Variants in ACSL4 observed in about 807,000 individuals in gnomAD.
The protein encoded by ACSL4 is long-chain-fatty-acid--CoA ligase 4.
A neutral mutation model predicts 49.1 loss-of-function variants in ACSL4; 9 were observed. The ratio of observed to expected loss-of-function variants is 0.18; its 90% CI spans 0.11 to 0.32. ACSL4 has a LOEUF of 0.32. Ranked by LOEUF, ACSL4 falls within the 10% of genes least tolerant of loss-of-function variation. The probability of loss-of-function intolerance (pLI) is 1.00; values close to 1 mark genes in which losing one functional copy is unlikely to be tolerated. For synonymous variants in ACSL4, 191 were observed against 170.3 expected (o/e 1.12, Z -0.95); for missense variants, 333 against 493.7 (o/e 0.67, Z 3.08).
At chrX:109,644,478 T>A (rs757738752) in intron 15 of ACSL4, among the ~76,000 whole-genome samples, 1 of 111,567 alleles carries the variant, frequency 9.0e-6, no homozygotes, top group African/African-American at 3.3e-5. Flanking sequence ...AAAATATACA[T>A]ACATATACAC....
intron 1 of ACSL4, among the ~76,000 whole-genome samples, chrX:109,732,140 T>G (rs2147575871): frequency 1.8e-5 from 2 of 112,401 alleles, no homozygotes; most frequent in African/African-American, 6.5e-5. Flanking sequence ...ATGAGACCAT[T>G]AACTGATAAA....
At chrX:109,687,016 C>T (rs1406589494) in intron 2 of ACSL4, among the ~76,000 whole-genome samples, 1 of 111,882 alleles carries the variant, frequency 8.9e-6, no homozygotes, top group African/African-American at 3.3e-5. Context: ...TGAAGGGACT[C>T]CTTGGAACTT....
At chrX:109,683,587 T>G in intron 2 of ACSL4, 1 of 644,155 alleles carries the variant, frequency 1.6e-6, no homozygotes, top group Non-Finnish European at 2.5e-6. Context: ...GCAGTAAGAA[T>G]AGCAGTACAG....
At chrX:109,670,751 G>A (rs934974556) in intron 9 of ACSL4, among the ~76,000 whole-genome samples, 6 of 111,414 alleles carry the variant, frequency 5.4e-5, no homozygotes, top group African/African-American at 1.3e-4. Context: ...TCAGCCTGCC[G>A]AGTGCCTGGG....
rs781654441 is a variant in ACSL4, at chrX:109,642,041, C to A, written c.*1988G>T. ...TCCCTTAACAATATTTGGATTTTTG[C>A]AAAGAATTAGCAGCACCCAACCTTA... is the stretch of plus-strand genomic sequence containing the variant. On this transcript the variant is annotated 3_prime_UTR_variant, in exon 16 of 16. Coordinates refer to ENST00000672401, the MANE Select transcript of ACSL4 (RefSeq NM_001318510.2). The A allele has an allele frequency of 9.0e-6, 1 of 111,565 alleles. No homozygotes were observed. Among genetic ancestry groups the A allele is most frequent in the Admixed American group, 9.6e-5 (1 of 10,409 alleles). The allele number at this position is 111,565 out of a possible 1,213,427, so 9.2% of individuals were successfully genotyped here. A position where few individuals can be genotyped will look rare whatever the true frequency, so the allele number is the denominator to read the frequency against.
chrX:109,683,067 C>T, intron 3 of ACSL4, 69 bp downstream of exon 3: 1 of 1,119,870 alleles, frequency 8.9e-7, no homozygotes, highest in Non-Finnish European at 1.2e-6. Context: ...TTAAAACGCA[C>T]TCGATTTATG....
chrX:109,674,298 A>T, intron 9 of ACSL4, 104 bp downstream of exon 9: 1 of 681,630 alleles, frequency 1.5e-6, no homozygotes, highest in Non-Finnish European at 2.3e-6. Context: ...AAATTATTTT[A>T]AAATGTAGAC....
chrX:109,689,457 C>T (rs976833613), intron 2 of ACSL4, among the ~76,000 whole-genome samples: 3 of 112,014 alleles, frequency 2.7e-5, no homozygotes, highest in Admixed American at 9.5e-5. Context: ...AGAATATAAG[C>T]TGAAGTCCTT....
intron 15 of ACSL4, among the ~76,000 whole-genome samples, chrX:109,647,942 T>C (rs1267110336): frequency 2.7e-5 from 3 of 111,641 alleles, no homozygotes; most frequent in Non-Finnish European, 3.8e-5. Flanking sequence ...GATAAATTCC[T>C]GGACACATAC....
At chrX:109,670,840 T>C (rs1923133579) in intron 9 of ACSL4, among the ~76,000 whole-genome samples, 1 of 112,616 alleles carries the variant, frequency 8.9e-6, no homozygotes, top group Admixed American at 9.3e-5. Flanking sequence ...CTGGCCAGGC[T>C]GGTCTCCAGC....
At chrX:109,655,411 G>T (rs1921556815) in intron 15 of ACSL4, among the ~76,000 whole-genome samples, 1 of 110,875 alleles carries the variant, frequency 9.0e-6, no homozygotes, top group African/African-American at 3.3e-5. Context: ...AGTGGAAATT[G>T]GAAATTCAGT....
At chrX:109,725,247 ATTTT>A (rs34867628) in intron 1 of ACSL4, among the ~76,000 whole-genome samples, 3 of 84,197 alleles carry the variant, frequency 3.6e-5, no homozygotes. Context: ...ACACCCAGCT[ATTTT>A]TTTTTTTTTT....
At chrX:109,710,472 T>C (rs865859654) in intron 1 of ACSL4, among the ~76,000 whole-genome samples, 2 of 112,269 alleles carry the variant, frequency 1.8e-5, no homozygotes, top group Non-Finnish European at 3.8e-5. Context: ...TCTTAGTTTA[T>C]GTGCAACATT....
chrX:109,647,114 C>T (rs1265708998), intron 15 of ACSL4, among the ~76,000 whole-genome samples: 3 of 110,984 alleles, frequency 2.7e-5, no homozygotes, highest in Non-Finnish European at 3.8e-5. Context: ...GACAGATCAA[C>T]GAGACAGAAA....
chrX:109,728,650 C>T (rs1363795279), intron 1 of ACSL4, among the ~76,000 whole-genome samples: 3 of 112,050 alleles, frequency 2.7e-5, no homozygotes, highest in Non-Finnish European at 3.8e-5. Flanking sequence ...TATATTTGAG[C>T]TCTAAAATTG....
chrX:109,663,179 TA>T, intron 13 of ACSL4, 31 bp downstream of exon 13: 1 of 1,152,952 alleles, frequency 8.7e-7, no homozygotes, highest in Non-Finnish European at 1.2e-6. Context: ...TTATAAAAAC[TA>T]AAGAAAACCA....
At chrX:109,723,893 T>C (rs1261157293) in intron 1 of ACSL4, among the ~76,000 whole-genome samples, 2 of 112,505 alleles carry the variant, frequency 1.8e-5, no homozygotes, top group African/African-American at 6.4e-5. Context: ...TGCCAATCTG[T>C]CTGGTGAAAA....
At chrX:109,698,792 T>C (rs1925646916) in intron 1 of ACSL4, among the ~76,000 whole-genome samples, 1 of 112,179 alleles carries the variant, frequency 8.9e-6, no homozygotes, top group Admixed American at 9.4e-5. Context: ...CTGATACGAA[T>C]ACAAGGCAGT....
intron 1 of ACSL4, among the ~76,000 whole-genome samples, chrX:109,725,249 T>C (rs971430778): frequency 1.3e-4 from 5 of 38,788 alleles, no homozygotes; most frequent in African/African-American, 3.2e-4. Context: ...ACCCAGCTAT[T>C]TTTTTTTTTT....
Sources: gnomAD v4.1 joint callset for allele counts (sites outside exome capture counted in the v4.1 genomes callset) on GRCh38, gnomAD v4.1.1 for gene constraint, MANE v1.5 for transcripts, NCBI Gene and HGNC (gene_info 2026-07-23, HGNC 2026-07-21) for gene names.